Variants in PDK1 observed in about 807,000 individuals in gnomAD.
The protein encoded by PDK1 is pyruvate dehydrogenase kinase 1.
In PDK1, 39 loss-of-function variants were observed where a neutral mutation model predicts 54.2. That is an observed-to-expected ratio of 0.72 (90% CI 0.56 to 0.94). The LOEUF (loss-of-function observed/expected upper bound fraction) is 0.94, where lower values mean the gene tolerates loss of function less well. Among genes scored for constraint, PDK1 ranks in the 40% least tolerant of loss-of-function variants. PDK1 has a pLI of 0.00. For synonymous variants in PDK1, 221 were observed against 207.1 expected (o/e 1.07, Z -0.58); for missense variants, 552 against 566.0 (o/e 0.98, Z 0.25).
At chr2:172,627,017 G>T in the PDK1 span, among the ~76,000 whole-genome samples, 7 of 152,070 alleles carry the variant, frequency 4.6e-5, 1 homozygote, top group Non-Finnish European at 1.0e-4. Flanking sequence ...CTAAAAGATA[G>T]AGAAAAAAAG....
downstream of PDK1, among the ~76,000 whole-genome samples, chr2:172,613,027 A>G (rs143440446): frequency 0.017 from 2,561 of 152,330 alleles, 39 homozygotes; most frequent in South Asian, 0.076. Context: ...TGGGAAGCAG[A>G]TGCTGAGACA....
At chr2:172,649,373 G>A in the PDK1 span, among the ~76,000 whole-genome samples, 1 of 152,172 alleles carries the variant, frequency 6.6e-6, no homozygotes, top group Non-Finnish European at 1.5e-5. Flanking sequence ...CCAAAAAGAT[G>A]GGGAGAAACC....
At chr2:172,568,965 A>T in intron 7 of PDK1, 148 bp downstream of exon 7, 1 of 625,848 alleles carries the variant, frequency 1.6e-6, no homozygotes, top group Non-Finnish European at 2.9e-6. Flanking sequence ...TCAGCTTTTT[A>T]TCAACACAGG....
At chr2:172,636,495 G>A in the PDK1 span, among the ~76,000 whole-genome samples, 8 of 152,196 alleles carry the variant, frequency 5.3e-5, no homozygotes, top group East Asian at 1.4e-3. Flanking sequence ...TGAGGTGGGT[G>A]GATCACCTGA....
At chr2:172,681,898 C>T in the PDK1 span, among the ~76,000 whole-genome samples, 11 of 152,274 alleles carry the variant, frequency 7.2e-5, no homozygotes, top group African/African-American at 2.4e-4. Flanking sequence ...GATGGGACTA[C>T]AGGCACCCGC....
the PDK1 span, among the ~76,000 whole-genome samples, chr2:172,652,626 G>A: frequency 6.6e-6 from 1 of 152,162 alleles, no homozygotes; most frequent in Admixed American, 6.5e-5. Flanking sequence ...CAAAGTCTCA[G>A]GATACAAAAT....
chr2:172,582,272 C>T (rs1264644116), intron 8 of PDK1, among the ~76,000 whole-genome samples: 1 of 152,190 alleles, frequency 6.6e-6, no homozygotes, highest in African/African-American at 2.4e-5. Context: ...GATGATTTTA[C>T]AGACTTAACA....
chr2:172,630,230 G>A, the PDK1 span, among the ~76,000 whole-genome samples: 1 of 152,068 alleles, frequency 6.6e-6, no homozygotes, highest in Non-Finnish European at 1.5e-5. Flanking sequence ...ATGTACTTGG[G>A]CTTCCCCTCT....
chr2:172,652,523 C>G, the PDK1 span, among the ~76,000 whole-genome samples: 1 of 152,164 alleles, frequency 6.6e-6, no homozygotes, highest in East Asian at 1.9e-4. Flanking sequence ...AAGAGGAAGT[C>G]AAATTGTCCC....
chr2:172,687,898 G>A, the PDK1 span, among the ~76,000 whole-genome samples: 1 of 152,208 alleles, frequency 6.6e-6, no homozygotes, highest in Admixed American at 6.5e-5. Context: ...TCCAAGTGAG[G>A]TGGCAGCAGC....
At chr2:172,579,436 C>A (rs1212644066) in intron 8 of PDK1, among the ~76,000 whole-genome samples, 1 of 151,978 alleles carries the variant, frequency 6.6e-6, no homozygotes, top group South Asian at 2.1e-4. Context: ...AATAAATGTT[C>A]CCCAGATTGC....
At chr2:172,696,532 ATAATCT>A in the PDK1 span, among the ~76,000 whole-genome samples, 2 of 152,218 alleles carry the variant, frequency 1.3e-5, no homozygotes, top group Non-Finnish European at 2.9e-5. Flanking sequence ...AGCTGCTCTC[ATAATCT>A]GAGAAGTTGA....
downstream of PDK1, among the ~76,000 whole-genome samples, chr2:172,609,498 A>G (rs1691395636): frequency 6.6e-6 from 1 of 152,202 alleles, no homozygotes; most frequent in Non-Finnish European, 1.5e-5. Context: ...ATTTATTGCA[A>G]TCGGAGTATT....
chr2:172,576,504 T>G (rs780811461), intron 8 of PDK1, among the ~76,000 whole-genome samples: 5 of 151,900 alleles, frequency 3.3e-5, no homozygotes, highest in Non-Finnish European at 7.4e-5. Flanking sequence ...AATTACACTC[T>G]AGGCTTTATT....
At chr2:172,651,226 TG>T in the PDK1 span, among the ~76,000 whole-genome samples, 1 of 152,168 alleles carries the variant, frequency 6.6e-6, no homozygotes, top group Non-Finnish European at 1.5e-5. Context: ...GAATGACTAC[TG>T]GGTACATAAC....
the PDK1 span, among the ~76,000 whole-genome samples, chr2:172,661,584 G>T: frequency 6.6e-6 from 1 of 152,126 alleles, no homozygotes; most frequent in African/African-American, 2.4e-5. Context: ...TTTTTTGATT[G>T]TGTAGATTTA....
the PDK1 span, among the ~76,000 whole-genome samples, chr2:172,700,061 C>T: frequency 1.3e-5 from 2 of 152,168 alleles, no homozygotes; most frequent in African/African-American, 2.4e-5. Flanking sequence ...TTTCAGAGAG[C>T]ACGGGGCTGG....
the PDK1 span, among the ~76,000 whole-genome samples, chr2:172,675,463 T>A: frequency 2.0e-5 from 3 of 152,232 alleles, no homozygotes; most frequent in Non-Finnish European, 4.4e-5. Flanking sequence ...GAAGCATCCT[T>A]ATTGCTGATA....
chr2:172,601,565 C>G lies in PDK1; in HGVS notation c.*5596C>G, dbSNP rs537475180. 1 of 152,338 alleles carries G rather than the reference C, an allele frequency of 6.6e-6. No individual in the cohort carries two copies. Among genetic ancestry groups the G allele is most frequent in the Admixed American group, 6.5e-5 (1 of 15,302 alleles). 9.4% of individuals were successfully genotyped at this position (152,338 alleles called of 1,614,324 possible). On this transcript the variant is annotated 3_prime_UTR_variant, in exon 11 of 11. Coordinates refer to ENST00000282077, the MANE Select transcript of PDK1 (RefSeq NM_002610.5). ...TTCCTGCTGCCCTGTGAAGAGGTGC[C>G]TTCCACCATGATTGTGAGTTTCTGG... is the stretch of plus-strand genomic sequence containing the variant.
Sources: allele counts gnomAD v4.1 joint callset (sites outside exome capture counted in the v4.1 genomes callset), GRCh38; gene constraint gnomAD v4.1.1; transcripts MANE v1.5; gene names NCBI Gene and HGNC (gene_info 2026-07-23, HGNC 2026-07-21).